The following BCL11A variants were observed in gnomAD, a reference collection of about 807,000 sequenced individuals.
BCL11A encodes B cell CLL/lymphoma 11A.
In BCL11A, 2 loss-of-function variants were observed where a neutral mutation model predicts 55.9. The observed-to-expected ratio is 0.04, with a 90% CI of 0.01 to 0.11. BCL11A has a LOEUF of 0.11. Among genes scored for constraint, BCL11A ranks in the 10% least tolerant of loss-of-function variants. BCL11A has a pLI of 1.00. For missense variants in BCL11A, 817 were observed against 1,137.1 expected, an observed-to-expected ratio of 0.72 and a Z score of 4.05; for synonymous variants, 465 against 473.4, an observed-to-expected ratio of 0.98 and a Z score of 0.23.
chr2:60,529,893 A>C (rs1382149739), intron 2 of BCL11A, among the ~76,000 whole-genome samples: 3 of 152,224 alleles, frequency 2.0e-5, no homozygotes, highest in Non-Finnish European at 4.4e-5. Context: ...CTATGAACCC[A>C]GCTTTAGCCC....
Position 60,546,896 on chromosome 2 carries a change from G to A in BCL11A, c.56-596C>T, listed in dbSNP as rs1670182670. Among the ~76,000 whole-genome samples, 1 of 150,590 alleles carries A rather than the reference G, an allele frequency of 6.6e-6. No individual in the cohort carries two copies. The highest frequency in any genetic ancestry group is 1.5e-5 in the Non-Finnish European group (1 of 67,738). On this transcript the variant is annotated intron_variant, in intron 1 of 3. Transcript: ENST00000642384. This position sits in a 1 kb window ranked among gnomAD's most constrained non-coding sequence, Gnocchi z 4.1. ...AAAAATGTGCCACATTTACACTGCT[G>A]TAATAAGAAAACGACTGCATGCACC...
chr2:60,467,263 G>A (rs1188624719), intron 3 of BCL11A, among the ~76,000 whole-genome samples: 1 of 111,338 alleles, frequency 9.0e-6, no homozygotes, highest in East Asian at 6.6e-4. Flanking sequence ...TGGTGGTGGT[G>A]GTGATGGTGG....
At chr2:60,538,489 C>T (rs1669768740) in intron 2 of BCL11A, 1 of 152,146 alleles carries the variant, frequency 6.6e-6, no homozygotes, top group Non-Finnish European at 1.5e-5. Flanking sequence ...TTTCAGGAAA[C>T]GTGTATTTTT....
intron 2 of BCL11A, among the ~76,000 whole-genome samples, chr2:60,503,290 G>A (rs1474900637): frequency 2.6e-5 from 4 of 152,184 alleles, no homozygotes; most frequent in Non-Finnish European, 4.4e-5. Context: ...GGAGACCCAA[G>A]ACAGAAAAGG....
At chr2:60,506,250 G>A (rs551389572) in intron 2 of BCL11A, among the ~76,000 whole-genome samples, 1 of 152,328 alleles carries the variant, frequency 6.6e-6, no homozygotes, top group African/African-American at 2.4e-5. Context: ...CAGCAGCTAG[G>A]GCTCTGGCCT....
intron 2 of BCL11A, among the ~76,000 whole-genome samples, chr2:60,485,867 A>T (rs1228952798): frequency 6.6e-6 from 1 of 152,204 alleles, no homozygotes; most frequent in Non-Finnish European, 1.5e-5. Flanking sequence ...TCCCATCACC[A>T]GATAGCTCTT....
intron 2 of BCL11A, among the ~76,000 whole-genome samples, chr2:60,510,640 G>A (rs1314512488): frequency 6.6e-6 from 1 of 152,178 alleles, no homozygotes; most frequent in Non-Finnish European, 1.5e-5. Context: ...GAGTTTTTAA[G>A]GCTTTCTATG....
At position 60,461,388 on chromosome 2, in the gene BCL11A, G is replaced by A. The variant is rs1676273330; in HGVS notation, c.1524C>T (p.Ser508=). The A allele has an allele frequency of 2.5e-6, 4 of 1,605,538 alleles. No individual in the cohort carries two copies. The South Asian group carries it at 3.3e-5, about 13-fold the overall frequency. The change falls in exon 4 of 4, where the codon AGC becomes AGT. Residue 508 remains serine (S), a synonymous_variant. Coordinates refer to ENST00000642384, the MANE Select transcript of BCL11A (RefSeq NM_022893.4). The part of the protein sequence containing the change: ...EEEEEEELTE[S]ERVDYGFGLS... ...GCCCGAAGCCGTAGTCCACCCTCTC[G>A]CTCTCCGTCAGCTCCTCCTCCTCCT...
chr2:60,461,036 G>A lies in BCL11A; in HGVS notation c.1876C>T (p.Pro626Ser), dbSNP rs1249497753. The change falls in exon 4 of 4, where the codon CCC becomes TCC. Residue 626 changes from proline to serine, a missense_variant. Physicochemically the swap from Pro to Ser is moderately conservative, Grantham distance 74. This residue lies in a region of BCL11A where 379 missense variants were observed against 425.3 expected (regional missense o/e 0.89). Coordinates refer to ENST00000642384, the MANE Select transcript of BCL11A (RefSeq NM_022893.4). ...TTAGAGAAGGGGCTCAGCGAGCTGGGGCTGCCCAGCAGCAGCTTTTTGGAC... is the reference window on the plus strand; with the variant it reads ...TTAGAGAAGGGGCTCAGCGAGCTGGAGCTGCCCAGCAGCAGCTTTTTGGAC... ...GLSKKLLLGSPSSLSPFSKRI... is the reference protein window; with the variant it reads ...GLSKKLLLGSSSSLSPFSKRI... 1.1e-5 allele frequency: 17 copies of A among 1,607,318 alleles called. No individual in the cohort carries two copies. The highest frequency in any genetic ancestry group is 1.3e-5 in the African/African-American group (1 of 74,770).
Position 60,462,178 on chromosome 2 carries a change from C to T in BCL11A, c.734G>A (p.Gly245Glu). Residue 245 changes from glycine (G) to glutamate (E), a missense_variant, in exon 4 of 4, where the codon GGA becomes GAA. Around this residue, in one of 4 missense-constraint regions of BCL11A, gnomAD observed 363 missense variants for 486.6 expected, o/e 0.75. Transcript: ENST00000642384. ...GCCGGAAGCCTCTCTCGATACTGAT[C>T]CTGGTATTCTTAGCAGGTTAAAGGG... ...NNPFNLLRIP[G>E]SVSREASGLA... is the part of the protein sequence containing the mutation. The T allele has an allele frequency of 6.3e-7, 1 of 1,590,514 alleles. No homozygotes were observed. Among genetic ancestry groups the T allele is most frequent in the Non-Finnish European group, 8.6e-7 (1 of 1,168,654 alleles).
chr2:60,458,051 C>CA lies in BCL11A; in HGVS notation c.*2352dup. On this transcript the variant is annotated 3_prime_UTR_variant, in exon 4 of 4. Coordinates refer to ENST00000642384, the MANE Select transcript of BCL11A (RefSeq NM_022893.4). ...AGCCTGTCTTTTTTTTTTCCACTAC[C>CA]AAAAAAGGTACATTGATACCTTTTA... The CA allele has an allele frequency of 1.9e-6, 2 of 1,030,322 alleles. No homozygotes were observed. The highest frequency in any genetic ancestry group is 1.2e-6 in the Non-Finnish European group (1 of 857,746). 63.8% of individuals were successfully genotyped at this position (1,030,322 alleles called of 1,614,324 possible).
chr2:60,541,311 G>A (rs1335121516), intron 2 of BCL11A, among the ~76,000 whole-genome samples: 1 of 152,108 alleles, frequency 6.6e-6, no homozygotes, highest in African/African-American at 2.4e-5. Flanking sequence ...GGATCTTTAG[G>A]ATCTTCTACA....
rs1161074884 is a variant in BCL11A at position 60,462,300 on chromosome 2, T to C, written c.612A>G (p.Gly204=). The C allele has an allele frequency of 6.2e-7, 1 of 1,614,136 alleles. No homozygotes were observed. Among genetic ancestry groups the C allele is most frequent in the Non-Finnish European group, 8.5e-7 (1 of 1,180,008 alleles). ...GLRIYLESEH[G]SPLTPRVGIP... Reference sequence around the variant, plus strand: ...TACCAACCCGCGGGGTCAGGGGACTTCCGTGTTCGCTTTCTAAGTAGATTC... The same window carrying C: ...TACCAACCCGCGGGGTCAGGGGACTCCCGTGTTCGCTTTCTAAGTAGATTC... The change falls in exon 4 of 4, where the codon GGA becomes GGG. Residue 204 remains glycine, a synonymous_variant. Coordinates refer to ENST00000642384, the MANE Select transcript of BCL11A (RefSeq NM_022893.4).
intron 3 of BCL11A, among the ~76,000 whole-genome samples, chr2:60,464,502 G>A (rs563495274): frequency 6.6e-6 from 1 of 152,262 alleles, no homozygotes; most frequent in South Asian, 2.1e-4. Context: ...TATTTAGCCT[G>A]ACGATCTGAG....
chr2:60,490,617 T>C (rs1678575158), intron 2 of BCL11A, among the ~76,000 whole-genome samples: 2 of 152,190 alleles, frequency 1.3e-5, no homozygotes, highest in Non-Finnish European at 2.9e-5. Context: ...ACTCATCCCA[T>C]GCACCACTCC....
At chr2:60,490,638 T>C (rs1342985785) in intron 2 of BCL11A, among the ~76,000 whole-genome samples, 2 of 152,202 alleles carry the variant, frequency 1.3e-5, no homozygotes, top group Non-Finnish European at 2.9e-5. Flanking sequence ...CTGACTCATA[T>C]CTAGGCCTTA....
chr2:60,529,621 G>C (rs1171448988), intron 2 of BCL11A, among the ~76,000 whole-genome samples: 1 of 152,094 alleles, frequency 6.6e-6, no homozygotes, highest in Non-Finnish European at 1.5e-5. Context: ...GGGCGGGAGC[G>C]GGGGCAGGTA....
chr2:60,548,940 C>G (rs1670271205), intron 1 of BCL11A, among the ~76,000 whole-genome samples: 1 of 152,104 alleles, frequency 6.6e-6, no homozygotes, highest in Non-Finnish European at 1.5e-5. Flanking sequence ...TGCAAATTCC[C>G]CTTTCCCTAA....
chr2:60,489,459 C>A (rs548557152), intron 2 of BCL11A, among the ~76,000 whole-genome samples: 3 of 152,314 alleles, frequency 2.0e-5, no homozygotes, highest in Non-Finnish European at 4.4e-5. Flanking sequence ...GGCGGCCCTG[C>A]GTGCCATTAA....
Sources: allele counts gnomAD v4.1 joint callset (sites outside exome capture counted in the v4.1 genomes callset), GRCh38; gene constraint gnomAD v4.1.1; regional missense constraint gnomAD v4.1.1; non-coding constraint Gnocchi (gnomAD v3.1); transcripts MANE v1.5; gene names NCBI Gene and HGNC (gene_info 2026-07-23, HGNC 2026-07-21).